KATNBL1: variants seen among roughly 807,000 people sequenced by gnomAD.
KATNBL1 encodes the protein KATNB1-like protein 1.
Under a neutral mutation model 44.7 loss-of-function variants are expected in KATNBL1, and 28 were observed. That is an observed-to-expected ratio of 0.63 (90% CI 0.46 to 0.86). The LOEUF is 0.86. Ranked by LOEUF, KATNBL1 falls within the 40% of genes least tolerant of loss-of-function variation. The probability of loss-of-function intolerance (pLI) is 0.00; values close to 1 mark genes in which losing one functional copy is unlikely to be tolerated. For missense variants in KATNBL1, 272 were observed against 350.7 expected (o/e 0.78, Z 1.79); for synonymous variants, 78 against 114.9 (o/e 0.68, Z 2.06).
At chr15:34,178,483 C>T (rs1021777349) in intron 1 of KATNBL1, among the ~76,000 whole-genome samples, 6 of 152,030 alleles carry the variant, frequency 3.9e-5, no homozygotes, top group African/African-American at 7.3e-5. Flanking sequence ...ATGGGCCGGG[C>T]GTGGTGGCTC....
rs926234713 is a variant in KATNBL1 at position 34,174,666 on chromosome 15, CT to C, written c.-14-10977del. On this transcript the variant is annotated intron_variant, in intron 1 of 9. Coordinates refer to ENST00000256544, the MANE Select transcript of KATNBL1 (RefSeq NM_024713.3). ...GAAAAAAGTATCATGCAAATACTAA[CT>C]TTTTTTTTTTTCTTAATTCGCTTTG... Among the ~76,000 whole-genome samples the C allele has an allele frequency of 5.2e-3, 773 of 147,730 alleles. 8 individuals carry two copies. The highest frequency in any genetic ancestry group is 0.017 in the African/African-American group (693 of 40,504).
At chr15:34,200,023 T>C (rs1890137543) in intron 1 of KATNBL1, among the ~76,000 whole-genome samples, 1 of 152,096 alleles carries the variant, frequency 6.6e-6, no homozygotes, top group African/African-American at 2.4e-5. Flanking sequence ...TACAGAGTGC[T>C]GGTCTATTTT....
chr15:34,161,604 C>T, intron 2 of KATNBL1, among the ~76,000 whole-genome samples: 1 of 152,186 alleles, frequency 6.6e-6, no homozygotes, highest in East Asian at 1.9e-4. Context: ...ATCCCTAACG[C>T]AGCTAGTCCC....
intron 1 of KATNBL1, among the ~76,000 whole-genome samples, chr15:34,207,799 C>T (rs766343118): frequency 3.3e-5 from 5 of 152,024 alleles, no homozygotes; most frequent in Non-Finnish European, 5.9e-5. Context: ...GATATGGTCT[C>T]GCTATGTTGC....
At chr15:34,181,127 T>G (rs1889505107) in intron 1 of KATNBL1, among the ~76,000 whole-genome samples, 1 of 152,050 alleles carries the variant, frequency 6.6e-6, no homozygotes, top group South Asian at 2.1e-4. Flanking sequence ...CTACAGAATT[T>G]CCAAAGTAGT....
At chr15:34,172,081 A>G (rs1889179444) in intron 1 of KATNBL1, among the ~76,000 whole-genome samples, 1 of 151,994 alleles carries the variant, frequency 6.6e-6, no homozygotes, top group Non-Finnish European at 1.5e-5. Context: ...TAAAGAATAA[A>G]AAATAAATAA....
chr15:34,185,333 T>A (rs900165766), intron 1 of KATNBL1, among the ~76,000 whole-genome samples: 1 of 152,210 alleles, frequency 6.6e-6, no homozygotes, highest in Non-Finnish European at 1.5e-5. Context: ...TTGTACTTAG[T>A]GAATACTGCA....
intron 1 of KATNBL1, among the ~76,000 whole-genome samples, chr15:34,177,281 G>A (rs1889362324): frequency 1.3e-5 from 2 of 152,160 alleles, no homozygotes; most frequent in Admixed American, 6.6e-5. Flanking sequence ...CATAGTAGCT[G>A]TCACCTACCA....
intron 1 of KATNBL1, among the ~76,000 whole-genome samples, chr15:34,167,088 A>C (rs1340188717): frequency 1.3e-5 from 2 of 152,236 alleles, no homozygotes; most frequent in South Asian, 2.1e-4. Flanking sequence ...AACTGGATGG[A>C]GAATGAGTTT....
chr15:34,182,635 T>C (rs982309506), intron 1 of KATNBL1, among the ~76,000 whole-genome samples: 1 of 152,304 alleles, frequency 6.6e-6, no homozygotes, highest in South Asian at 2.1e-4. Context: ...GGTTTATTCA[T>C]GATTTTTTTC....
intron 1 of KATNBL1, among the ~76,000 whole-genome samples, chr15:34,195,174 T>C (rs112443388): frequency 0.11 from 16,756 of 152,136 alleles, 1,100 homozygotes; most frequent in Non-Finnish European, 0.15. Flanking sequence ...CAATTTATAA[T>C]AGGAAAGATA....
At chr15:34,199,162 G>C (rs1035905067) in intron 1 of KATNBL1, among the ~76,000 whole-genome samples, 1 of 152,200 alleles carries the variant, frequency 6.6e-6, no homozygotes, top group African/African-American at 2.4e-5. Flanking sequence ...TTACCGGCCA[G>C]GCGCAGTGGC....
chr15:34,145,781 T>C (rs945792427), intron 8 of KATNBL1: 1 of 161,830 alleles, frequency 6.2e-6, no homozygotes, highest in Admixed American at 6.5e-5. Flanking sequence ...GTTTTTTCAA[T>C]TCCAAAATTA....
At chr15:34,174,780 T>C (rs1418378534) in intron 1 of KATNBL1, among the ~76,000 whole-genome samples, 2 of 151,990 alleles carry the variant, frequency 1.3e-5, no homozygotes, top group African/African-American at 2.4e-5. Context: ...TGGATGGGAC[T>C]ATAGGTGCCT....
intron 2 of KATNBL1, among the ~76,000 whole-genome samples, chr15:34,157,972 C>A (rs1371216932): frequency 6.6e-6 from 1 of 152,148 alleles, no homozygotes; most frequent in Non-Finnish European, 1.5e-5. Flanking sequence ...AAGGAAATAG[C>A]TTCTACCCAA....
intron 1 of KATNBL1, among the ~76,000 whole-genome samples, chr15:34,197,325 G>T (rs973216684): frequency 6.6e-6 from 1 of 152,214 alleles, no homozygotes; most frequent in African/African-American, 2.4e-5. Flanking sequence ...TTTAAGTCCT[G>T]TTTTAACCAT....
intron 1 of KATNBL1, among the ~76,000 whole-genome samples, chr15:34,193,216 CA>C (rs34216208): frequency 4.5e-5 from 3 of 66,362 alleles, no homozygotes; most frequent in Non-Finnish European, 7.3e-5. Context: ...GACTCCGTCT[CA>C]AAAAAAAAAA....
intron 8 of KATNBL1, chr15:34,146,456 G>T (rs2140898565): frequency 4.2e-6 from 1 of 240,522 alleles, no homozygotes; most frequent in South Asian, 7.4e-5. Context: ...ATTACACTGT[G>T]GGCATCTCTT....
At chr15:34,191,154 CATATATATAT>C (rs57428240) in intron 1 of KATNBL1, among the ~76,000 whole-genome samples, 25,036 of 136,036 alleles carry the variant, frequency 0.18, 2,556 homozygotes, top group Middle Eastern at 0.34. Flanking sequence ...AATCATAGAC[CATATATATAT>C]ATATATATAT....
Sources: gnomAD v4.1 joint callset for allele counts (sites outside exome capture counted in the v4.1 genomes callset) on GRCh38, gnomAD v4.1.1 for gene constraint, MANE v1.5 for transcripts, NCBI Gene and HGNC (gene_info 2026-07-23, HGNC 2026-07-21) for gene names.